The following NRP2 variants were observed in gnomAD, a reference collection of about 807,000 sequenced individuals.
NRP2 encodes the protein neuropilin 2.
A neutral mutation model predicts 110.4 loss-of-function variants in NRP2; 52 were observed. The observed-to-expected ratio is 0.47, with a 90% CI of 0.38 to 0.59. NRP2 has a LOEUF of 0.59. Ranked by LOEUF, NRP2 falls within the 20% of genes least tolerant of loss-of-function variation. The pLI is 0.00. For missense variants in NRP2, 1,049 were observed against 1,203.0 expected (o/e 0.87, Z 1.89); for synonymous variants, 508 against 468.9 (o/e 1.08, Z -1.08).
intron 2 of NRP2, among the ~76,000 whole-genome samples, chr2:205,706,890 C>G (rs764468289): frequency 6.6e-6 from 1 of 152,208 alleles, no homozygotes; most frequent in Non-Finnish European, 1.5e-5. Flanking sequence ...CCACTGGTCG[C>G]TACAATATTG....
At chr2:205,703,589 G>A (rs1420427461) in intron 2 of NRP2, among the ~76,000 whole-genome samples, 1 of 152,178 alleles carries the variant, frequency 6.6e-6, no homozygotes, top group Non-Finnish European at 1.5e-5. Flanking sequence ...TTTGGCAGGG[G>A]ACATGATATG....
At chr2:205,697,809 C>T (rs1163104755) in intron 2 of NRP2, 88 bp downstream of exon 2, 3 of 1,323,214 alleles carry the variant, frequency 2.3e-6, no homozygotes, top group Non-Finnish European at 2.2e-6. Context: ...TCTATCACCC[C>T]TCACCCCAAG....
intron 15 of NRP2, among the ~76,000 whole-genome samples, chr2:205,784,723 C>T (rs2058217145): frequency 6.6e-6 from 1 of 152,196 alleles, no homozygotes; most frequent in Non-Finnish European, 1.5e-5. Flanking sequence ...CAGTTTGTCT[C>T]CAACCTCCAA....
chr2:205,776,051 A>C lies in NRP2; in HGVS notation c.2425+9248A>C, dbSNP rs182198019. The C allele has an allele frequency of 6.0e-4, 439 of 737,244 alleles. 2 individuals carry two copies. The African/African-American group carries it at 6.7e-3, about 11-fold the overall frequency. 45.7% of individuals were successfully genotyped at this position (737,244 alleles called of 1,614,324 possible). ...ATGGGTCTGACAATAGCTACCTCCC[A>C]AGGGGGTAAGTAGGAAATAATGCAA... On this transcript the variant is annotated intron_variant, in intron 15 of 16. Coordinates refer to ENST00000357785, the MANE Select transcript of NRP2 (RefSeq NM_003872.3).
intron 1 of NRP2, among the ~76,000 whole-genome samples, chr2:205,687,371 C>T (rs3755246): frequency 0.029 from 4,440 of 152,270 alleles, 103 homozygotes; most frequent in African/African-American, 0.059. Context: ...CTAGATTTTA[C>T]GCAGACGGCC....
chr2:205,742,460 C>G (rs143206070), intron 8 of NRP2, among the ~76,000 whole-genome samples: 3 of 152,156 alleles, frequency 2.0e-5, no homozygotes, highest in Admixed American at 6.5e-5. Context: ...CTGAGGGAAA[C>G]CAATTTAGTG....
At chr2:205,717,231 A>C (rs2056918268) in intron 3 of NRP2, among the ~76,000 whole-genome samples, 1 of 151,180 alleles carries the variant, frequency 6.6e-6, no homozygotes, top group African/African-American at 2.4e-5. Context: ...CCCACCCACC[A>C]CCCACTCCCT....
At chr2:205,752,256 G>A (rs2057659940) in intron 11 of NRP2, among the ~76,000 whole-genome samples, 1 of 152,202 alleles carries the variant, frequency 6.6e-6, no homozygotes, top group Admixed American at 6.5e-5. Flanking sequence ...CCTCCCCATG[G>A]AGATGCTGGA....
intron 1 of NRP2, among the ~76,000 whole-genome samples, chr2:205,690,112 G>A (rs11884729): frequency 0.023 from 3,480 of 152,264 alleles, 134 homozygotes; most frequent in African/African-American, 0.078. Flanking sequence ...CAGTTCTGGC[G>A]AGTCTTTCAG....
intron 2 of NRP2, among the ~76,000 whole-genome samples, chr2:205,714,481 A>C (rs2056855588): frequency 6.6e-6 from 1 of 152,254 alleles, no homozygotes; most frequent in Non-Finnish European, 1.5e-5. Context: ...CCTTAGTGTG[A>C]AAATAGCACG....
At chr2:205,774,103 C>T (rs919117465) in intron 15 of NRP2, among the ~76,000 whole-genome samples, 2 of 152,162 alleles carry the variant, frequency 1.3e-5, no homozygotes, top group African/African-American at 2.4e-5. Flanking sequence ...TTTGATGTTT[C>T]CTGTGCATTT....
intron 2 of NRP2, among the ~76,000 whole-genome samples, chr2:205,709,010 A>T (rs1056206581): frequency 6.6e-6 from 1 of 152,252 alleles, no homozygotes; most frequent in Admixed American, 6.5e-5. Context: ...TTCATGGAGC[A>T]TGTACTGTGT....
chr2:205,700,916 G>A lies in NRP2; in HGVS notation c.251+3195G>A, dbSNP rs531712542. ...GCCACTGTGGTACTGCTGGACTCCT[G>A]CAGCCAAAGGACAAAAGGGCGAGAC... On this transcript the variant is annotated intron_variant, in intron 2 of 16. Transcript: ENST00000357785. 1.3e-3 allele frequency: 431 copies of A among 338,806 alleles called. 2 individuals are homozygous for A. Among genetic ancestry groups the A allele is most frequent in the Middle Eastern group, 5.2e-3 (5 of 970 alleles). The allele number at this position is 338,806 out of a possible 1,614,324, so 21.0% of individuals were successfully genotyped here. A position where few individuals can be genotyped will look rare whatever the true frequency, so the allele number is the denominator to read the frequency against.
chr2:205,740,801 G>A, intron 8 of NRP2, 138 bp downstream of exon 8: 1 of 938,644 alleles, frequency 1.1e-6, no homozygotes, highest in East Asian at 2.6e-5. Context: ...TCCTACCAGA[G>A]TTTGTCTTTT....
chr2:205,685,415 CAT>C (rs10583138), intron 1 of NRP2, among the ~76,000 whole-genome samples: 132,308 of 151,784 alleles, frequency 0.87, 58,264 homozygotes, highest in East Asian at 0.95. Flanking sequence ...GGCCAAGCCA[CAT>C]ACCTCTGACT....
chr2:205,758,410 A>T (rs188667248), intron 12 of NRP2, among the ~76,000 whole-genome samples: 79 of 152,294 alleles, frequency 5.2e-4, no homozygotes, highest in African/African-American at 1.6e-3. Context: ...GACACAACTG[A>T]TTCCATTGCT....
chr2:205,718,012 G>C (rs763470861), intron 3 of NRP2, among the ~76,000 whole-genome samples: 3 of 152,206 alleles, frequency 2.0e-5, no homozygotes, highest in Non-Finnish European at 4.4e-5. Flanking sequence ...TGGGGGAGCA[G>C]TCAAGTGGCT....
intron 2 of NRP2, among the ~76,000 whole-genome samples, chr2:205,715,386 G>C (rs1286623624): frequency 6.6e-6 from 1 of 152,212 alleles, no homozygotes; most frequent in Non-Finnish European, 1.5e-5. Flanking sequence ...AGGGCAGCCT[G>C]CCCTGCCTCT....
rs1346165860 is a variant in NRP2, at chr2:205,797,231, C to T, written c.*2173C>T. On this transcript the variant is annotated 3_prime_UTR_variant, in exon 17 of 17. Coordinates refer to ENST00000357785, the MANE Select transcript of NRP2 (RefSeq NM_003872.3). Reference sequence around the variant, plus strand: ...CCAAGGGCTTAGCTTTAGGGCTCCTCCTGAGTTCGGCCCACAGTAGAAGCA... The same window carrying T: ...CCAAGGGCTTAGCTTTAGGGCTCCTTCTGAGTTCGGCCCACAGTAGAAGCA... The T allele has an allele frequency of 6.6e-6, 1 of 152,666 alleles. No individual in the cohort carries two copies. Among genetic ancestry groups the T allele is most frequent in the Non-Finnish European group, 1.5e-5 (1 of 68,064 alleles). The allele number at this position is 152,666 out of a possible 1,614,324, so 9.5% of individuals were successfully genotyped here.
Sources: gnomAD v4.1 joint callset for allele counts (sites outside exome capture counted in the v4.1 genomes callset) on GRCh38, gnomAD v4.1.1 for gene constraint, MANE v1.5 for transcripts, NCBI Gene and HGNC (gene_info 2026-07-23, HGNC 2026-07-21) for gene names.